Variants in GUCY1A2 observed in about 807,000 individuals in gnomAD.
The protein encoded by GUCY1A2 is guanylate cyclase 1 soluble subunit alpha 2.
In GUCY1A2, 27 loss-of-function variants were observed where a neutral mutation model predicts 63.5. That is an observed-to-expected ratio of 0.43 (90% CI 0.31 to 0.59). The LOEUF (loss-of-function observed/expected upper bound fraction) is 0.59. Ranked by LOEUF, GUCY1A2 falls within the 20% of genes least tolerant of loss-of-function variation. The probability of loss-of-function intolerance (pLI) is 0.11; values close to 1 mark genes in which losing one functional copy is unlikely to be tolerated. For missense variants in GUCY1A2, 768 were observed against 913.3 expected, an observed-to-expected ratio of 0.84 and a Z score of 2.05; for synonymous variants, 364 against 343.5, an observed-to-expected ratio of 1.06 and a Z score of -0.66.
intron 3 of GUCY1A2, among the ~76,000 whole-genome samples, chr11:106,968,252 C>T (rs150635800): frequency 0.014 from 2,094 of 152,160 alleles, 29 homozygotes; most frequent in South Asian, 0.048. Context: ...TGTCTATAGG[C>T]CTCTTTTATT....
chr11:106,871,789 T>C (rs2135464828), intron 4 of GUCY1A2, among the ~76,000 whole-genome samples: 1 of 152,314 alleles, frequency 6.6e-6, no homozygotes. Flanking sequence ...TACTATTTGA[T>C]CTGGGTAATG....
intron 6 of GUCY1A2, among the ~76,000 whole-genome samples, chr11:106,741,333 T>A (rs1180418407): frequency 6.6e-6 from 1 of 152,200 alleles, no homozygotes; most frequent in Non-Finnish European, 1.5e-5. Flanking sequence ...AAGTATTCAA[T>A]AGTCACATGT....
At chr11:106,735,368 C>A (rs1256582813) in intron 6 of GUCY1A2, among the ~76,000 whole-genome samples, 1 of 152,100 alleles carries the variant, frequency 6.6e-6, no homozygotes, top group East Asian at 1.9e-4. Context: ...TAATTTGTAG[C>A]TCCCACAAAT....
At chr11:106,911,770 T>C (rs1216477609) in intron 4 of GUCY1A2, among the ~76,000 whole-genome samples, 1 of 152,072 alleles carries the variant, frequency 6.6e-6, no homozygotes, top group Non-Finnish European at 1.5e-5. Context: ...TAAAGCAAAC[T>C]ATTGAAAACT....
intron 4 of GUCY1A2, among the ~76,000 whole-genome samples, chr11:106,891,926 C>T (rs1859980333): frequency 1.3e-5 from 2 of 152,026 alleles, no homozygotes; most frequent in Non-Finnish European, 2.9e-5. Flanking sequence ...GCAGCGACTA[C>T]AAAAATGCAG....
chr11:106,824,742 T>C, intron 4 of GUCY1A2: 2 of 1,469,676 alleles, frequency 1.4e-6, no homozygotes, highest in South Asian at 1.4e-5. Context: ...TTTAATCTCA[T>C]GAGAAAACTG....
intron 4 of GUCY1A2, among the ~76,000 whole-genome samples, chr11:106,928,673 T>TA (rs751917709): frequency 3.9e-5 from 6 of 152,338 alleles, no homozygotes; most frequent in South Asian, 2.1e-4. Context: ...CCTAGAGGCA[T>TA]AGCCTACAAT....
At chr11:106,735,646 A>C (rs547996190) in intron 6 of GUCY1A2, among the ~76,000 whole-genome samples, 5 of 152,278 alleles carry the variant, frequency 3.3e-5, no homozygotes, top group Non-Finnish European at 5.9e-5. Context: ...GGGGTATATA[A>C]CTAGCAGTGG....
chr11:106,713,542 T>G (rs1191356179), intron 6 of GUCY1A2, among the ~76,000 whole-genome samples: 1 of 138,790 alleles, frequency 7.2e-6, no homozygotes, highest in African/African-American at 2.7e-5. Flanking sequence ...AGTCTCGTCC[T>G]GTTGCCCAGG....
chr11:106,789,359 A>C (rs553634697), intron 5 of GUCY1A2, among the ~76,000 whole-genome samples: 1 of 152,290 alleles, frequency 6.6e-6, no homozygotes, highest in Non-Finnish European at 1.5e-5. Flanking sequence ...TTTCTTTGTT[A>C]AATGTACCTG....
At position 106,682,954 on chromosome 11, in the gene GUCY1A2, T is replaced by C. The variant is rs1457336409; in HGVS notation, c.*4595A>G. 9.3e-6 allele frequency: 2 copies of C among 215,572 alleles called. No homozygotes were observed. The highest frequency in any genetic ancestry group is 1.9e-5 in the Non-Finnish European group (2 of 106,814). The allele number at this position is 215,572 out of a possible 1,614,324, so 13.4% of individuals were successfully genotyped here. A position where few individuals can be genotyped will look rare whatever the true frequency, so the allele number is the denominator to read the frequency against. On this transcript the variant is annotated 3_prime_UTR_variant, in exon 8 of 8. Coordinates refer to ENST00000526355, the MANE Select transcript of GUCY1A2 (RefSeq NM_000855.3). ...CAAGATTGTTAATCTGTATGTAATATCAGTGTCTGCTCTTCATTCACCACT... is the reference window on the plus strand; with the variant it reads ...CAAGATTGTTAATCTGTATGTAATACCAGTGTCTGCTCTTCATTCACCACT...
chr11:106,816,987 A>G (rs1858841171), intron 4 of GUCY1A2, among the ~76,000 whole-genome samples: 1 of 152,118 alleles, frequency 6.6e-6, no homozygotes, highest in African/African-American at 2.4e-5. Context: ...CTTCAGGCCA[A>G]ATAGTTTTGC....
chr11:106,866,453 T>C (rs1859595269), intron 4 of GUCY1A2, among the ~76,000 whole-genome samples: 1 of 152,036 alleles, frequency 6.6e-6, no homozygotes, highest in Non-Finnish European at 1.5e-5. Context: ...TAAAGACAAA[T>C]TTTAGTAAAT....
At chr11:106,806,857 C>G (rs1355357042) in intron 5 of GUCY1A2, among the ~76,000 whole-genome samples, 1 of 152,176 alleles carries the variant, frequency 6.6e-6, no homozygotes, top group African/African-American at 2.4e-5. Flanking sequence ...GCAGAATGGT[C>G]ATATTATGTC....
At chr11:106,887,305 C>A (rs1859913523) in intron 4 of GUCY1A2, among the ~76,000 whole-genome samples, 1 of 152,012 alleles carries the variant, frequency 6.6e-6, no homozygotes, top group African/African-American at 2.4e-5. Flanking sequence ...TCCTTTACAC[C>A]ATGTATATGG....
chr11:106,770,814 C>G (rs1037756931), intron 6 of GUCY1A2, among the ~76,000 whole-genome samples: 2 of 135,420 alleles, frequency 1.5e-5, no homozygotes, highest in Non-Finnish European at 3.1e-5. Flanking sequence ...GGCAGTAATA[C>G]TAATGTGTTT....
intron 1 of GUCY1A2, among the ~76,000 whole-genome samples, chr11:107,015,698 T>G (rs977449255): frequency 1.3e-4 from 20 of 151,418 alleles, no homozygotes; most frequent in Admixed American, 5.3e-4. Context: ...ACTATTTTAT[T>G]GCACAAATGT....
chr11:106,935,662 A>G (rs141349288), intron 4 of GUCY1A2, among the ~76,000 whole-genome samples: 1,947 of 152,118 alleles, frequency 0.013, 26 homozygotes, highest in South Asian at 0.048. Context: ...CTGGCCTCAA[A>G]CATGGTGAAA....
At chr11:106,906,808 C>T (rs1192441748) in intron 4 of GUCY1A2, among the ~76,000 whole-genome samples, 3 of 151,988 alleles carry the variant, frequency 2.0e-5, no homozygotes, top group Non-Finnish European at 4.4e-5. Context: ...AGCTGGAAAC[C>T]AGCATTCTCA....
Sources: gnomAD v4.1 joint callset for allele counts (sites outside exome capture counted in the v4.1 genomes callset) on GRCh38, gnomAD v4.1.1 for gene constraint, MANE v1.5 for transcripts, NCBI Gene and HGNC (gene_info 2026-07-23, HGNC 2026-07-21) for gene names.